Variants in STPG2 observed in about 807,000 individuals in gnomAD.
STPG2 encodes sperm tail PG-rich repeat containing 2.
Under a neutral mutation model 54.2 loss-of-function variants are expected in STPG2, and 56 were observed. That is an observed-to-expected ratio of 1.03 (90% CI 0.83 to 1.29). STPG2 has a LOEUF of 1.29. Among genes scored for constraint, STPG2 ranks in the 50% most tolerant of loss-of-function variants. STPG2 has a pLI of 0.00. For synonymous variants in STPG2, 200 were observed against 181.8 expected, an observed-to-expected ratio of 1.10 and a Z score of -0.81; for missense variants, 596 against 544.9, an observed-to-expected ratio of 1.09 and a Z score of -0.93.
chr4:98,048,166 C>T (rs1232860246), intron 5 of STPG2, among the ~76,000 whole-genome samples: 1 of 152,174 alleles, frequency 6.6e-6, no homozygotes, highest in African/African-American at 2.4e-5. Context: ...GAAGGCATAA[C>T]TCTCCAGCTT....
chr4:97,812,260 C>A (rs1183347913), intron 9 of STPG2, among the ~76,000 whole-genome samples: 1 of 151,980 alleles, frequency 6.6e-6, no homozygotes, highest in African/African-American at 2.4e-5. Context: ...GCCTAAGATT[C>A]AAAAAATTAC....
At chr4:97,459,233 T>G (rs773816665) in intron 4 of STPG2, among the ~76,000 whole-genome samples, 1 of 152,050 alleles carries the variant, frequency 6.6e-6, no homozygotes, top group Non-Finnish European at 1.5e-5. Context: ...TGATACAATA[T>G]ATTAACAATT....
chr4:97,897,023 C>T (rs1730981341), intron 8 of STPG2, among the ~76,000 whole-genome samples: 1 of 151,758 alleles, frequency 6.6e-6, no homozygotes, highest in Non-Finnish European at 1.5e-5. Flanking sequence ...AGCCTAGTAC[C>T]TATTAGTTAT....
At chr4:97,540,550 G>C (rs564860172) in intron 4 of STPG2, among the ~76,000 whole-genome samples, 17 of 152,276 alleles carry the variant, frequency 1.1e-4, no homozygotes, top group Admixed American at 3.9e-4. Flanking sequence ...AGAGTTACAA[G>C]GAGGAGCTGG....
At chr4:97,915,803 C>T (rs568427463) in intron 8 of STPG2, among the ~76,000 whole-genome samples, 2 of 152,216 alleles carry the variant, frequency 1.3e-5, no homozygotes, top group African/African-American at 4.8e-5. Context: ...CTGAACTCCA[C>T]CATCAGGCAA....
chr4:97,724,927 T>G lies in STPG2; in HGVS notation c.1205-12113A>C, dbSNP rs547734396. On this transcript the variant is annotated intron_variant, in intron 9 of 10. Transcript: ENST00000295268. ...ATGCAGGTCTTTATTCAAGTACTTC[T>G]TGAAAGAGTACAGTACAGAAATATG... 2.0e-5 allele frequency among the ~76,000 whole-genome samples: 3 copies of G among 152,260 alleles called. No individual in the cohort carries two copies. In the East Asian group the frequency reaches 5.8e-4, roughly 29 times the overall value.
chr4:97,977,532 A>G (rs1163255047), intron 6 of STPG2, among the ~76,000 whole-genome samples: 1 of 152,190 alleles, frequency 6.6e-6, no homozygotes, highest in Admixed American at 6.5e-5. Flanking sequence ...CTACTGAGCT[A>G]GCCTCAAATG....
chr4:98,064,408 G>A lies in STPG2; in HGVS notation c.612+41545C>T, dbSNP rs187143715. 3.3e-5 allele frequency among the ~76,000 whole-genome samples: 5 copies of A among 152,270 alleles called. No homozygotes were observed. In the East Asian group the frequency reaches 9.6e-4, roughly 29 times the overall value. ...ATTAATTCTTTCCTAAAAAGTAAAT[G>A]TTCTGTGCTAAAAACAGTTATAATC... On this transcript the variant is annotated intron_variant, in intron 5 of 10. Transcript: ENST00000295268.
At chr4:97,559,162 C>A in intron 10 of STPG2, 45 bp from the exon 11 acceptor site, 2 of 1,254,666 alleles carry the variant, frequency 1.6e-6, no homozygotes, top group South Asian at 1.4e-5. Flanking sequence ...CATCTACTTA[C>A]AAAAAGAAAA....
intron 10 of STPG2, among the ~76,000 whole-genome samples, chr4:97,636,703 A>G (rs534232613): frequency 2.0e-4 from 31 of 152,330 alleles, no homozygotes; most frequent in South Asian, 4.1e-4. Flanking sequence ...ATCAGAGAAA[A>G]CTACAAACAC....
At chr4:98,047,978 G>C (rs1433610850) in intron 5 of STPG2, among the ~76,000 whole-genome samples, 1 of 152,108 alleles carries the variant, frequency 6.6e-6, no homozygotes, top group Non-Finnish European at 1.5e-5. Flanking sequence ...AGAGATTATA[G>C]AGACCGGAGA....
chr4:98,100,676 T>G (rs1338675137), intron 5 of STPG2, among the ~76,000 whole-genome samples: 5 of 147,564 alleles, frequency 3.4e-5, no homozygotes, highest in Non-Finnish European at 6.0e-5. Flanking sequence ...TTTTTTTTTT[T>G]TTTTTTTTTT....
At chr4:97,994,152 T>G (rs1735119263) in intron 5 of STPG2, among the ~76,000 whole-genome samples, 1 of 152,168 alleles carries the variant, frequency 6.6e-6, no homozygotes, top group Non-Finnish European at 1.5e-5. Flanking sequence ...TTACACAGGT[T>G]TGAGAGGTTG....
intron 7 of STPG2, among the ~76,000 whole-genome samples, chr4:97,957,347 T>C (rs1733719524): frequency 6.6e-6 from 1 of 151,630 alleles, no homozygotes; most frequent in African/African-American, 2.4e-5. Context: ...TTGAAGACAA[T>C]GTTTTTTAAT....
At chr4:98,010,853 GTTTAT>G (rs1267466078) in intron 5 of STPG2, among the ~76,000 whole-genome samples, 1 of 152,086 alleles carries the variant, frequency 6.6e-6, no homozygotes, top group Admixed American at 6.6e-5. Context: ...AGTTATAACA[GTTTAT>G]TTTAAGCTAA....
chr4:97,595,791 C>A (rs1014227231), intron 10 of STPG2, among the ~76,000 whole-genome samples: 1 of 152,048 alleles, frequency 6.6e-6, no homozygotes, highest in Non-Finnish European at 1.5e-5. Flanking sequence ...AAATGAAAGA[C>A]AATTACTTGC....
chr4:97,551,781 C>T (rs1731971706), intron 4 of STPG2, among the ~76,000 whole-genome samples: 1 of 152,144 alleles, frequency 6.6e-6, no homozygotes, highest in Non-Finnish European at 1.5e-5. Context: ...AAATATTTTT[C>T]TAGATCTCTT....
At chr4:97,799,012 CT>C in intron 9 of STPG2, among the ~76,000 whole-genome samples, 1 of 99,576 alleles carries the variant, frequency 1.0e-5, no homozygotes, top group Admixed American at 1.3e-4. Flanking sequence ...CAACCCCTGC[CT>C]TTTTTTGTTT....
intron 8 of STPG2, among the ~76,000 whole-genome samples, chr4:97,848,293 C>T (rs1729031115): frequency 6.6e-6 from 1 of 152,126 alleles, no homozygotes; most frequent in African/African-American, 2.4e-5. Context: ...AAATAGCACA[C>T]TGAACAAATA....
Sources: allele counts gnomAD v4.1 joint callset (sites outside exome capture counted in the v4.1 genomes callset), GRCh38; gene constraint gnomAD v4.1.1; transcripts MANE v1.5; gene names NCBI Gene and HGNC (gene_info 2026-07-23, HGNC 2026-07-21).